DENND1A: variants seen among roughly 807,000 people sequenced by gnomAD.
The protein encoded by DENND1A is DENN domain-containing protein 1A.
In DENND1A, 51 loss-of-function variants were observed where a neutral mutation model predicts 113.7. The ratio of observed to expected loss-of-function variants is 0.45; its 90% CI spans 0.36 to 0.57. The LOEUF is 0.57. Among genes scored for constraint, DENND1A ranks in the 20% least tolerant of loss-of-function variants. The pLI is 0.00. For synonymous variants in DENND1A, 565 were observed against 570.8 expected (o/e 0.99, Z 0.14); for missense variants, 1,258 against 1,395.9 (o/e 0.90, Z 1.57).
At chr9:123,544,209 G>C (rs1296177629) in intron 13 of DENND1A, among the ~76,000 whole-genome samples, 1 of 152,180 alleles carries the variant, frequency 6.6e-6, no homozygotes, top group Non-Finnish European at 1.5e-5. Flanking sequence ...CCCAGGAAAA[G>C]AGGAGGAAGG....
At chr9:123,806,369 C>T (rs1835570304) in intron 2 of DENND1A, among the ~76,000 whole-genome samples, 2 of 152,166 alleles carry the variant, frequency 1.3e-5, no homozygotes, top group Non-Finnish European at 2.9e-5. Flanking sequence ...GATTCTCCCG[C>T]CTCAGCCTCC....
chr9:123,489,909 C>T (rs918493539), intron 13 of DENND1A, among the ~76,000 whole-genome samples: 2 of 152,114 alleles, frequency 1.3e-5, no homozygotes, highest in Admixed American at 6.5e-5. Context: ...TGATCCCAAC[C>T]GACATCATCA....
chr9:123,629,040 C>T (rs2061364504), intron 10 of DENND1A, among the ~76,000 whole-genome samples: 1 of 152,200 alleles, frequency 6.6e-6, no homozygotes, highest in South Asian at 2.1e-4. Context: ...AGAGGGTGAG[C>T]CCAGCACGTT....
intron 1 of DENND1A, among the ~76,000 whole-genome samples, chr9:123,902,258 T>C (rs985346728): frequency 2.6e-5 from 4 of 151,778 alleles, no homozygotes; most frequent in Non-Finnish European, 5.9e-5. Context: ...CAGAGCTACC[T>C]AATCTCTTGA....
intron 13 of DENND1A, among the ~76,000 whole-genome samples, chr9:123,501,988 T>C (rs1288341143): frequency 1.3e-5 from 2 of 152,132 alleles, no homozygotes; most frequent in Non-Finnish European, 2.9e-5. Context: ...CCTTTATATA[T>C]ATATATCTCT....
chr9:123,586,340 T>G (rs2059161758), intron 11 of DENND1A, among the ~76,000 whole-genome samples: 1 of 152,134 alleles, frequency 6.6e-6, no homozygotes, highest in South Asian at 2.1e-4. Context: ...CCAGCCCTTG[T>G]AGGCTCTCCA....
Position 123,422,075 on chromosome 9 carries a change from G to A in DENND1A, c.1489-10246C>T, listed in dbSNP as rs1186323701. Among the ~76,000 whole-genome samples the A allele has an allele frequency of 2.0e-5, 3 of 152,092 alleles. No homozygotes were observed. The highest frequency in any genetic ancestry group is 2.9e-5 in the Non-Finnish European group (2 of 68,010). On this transcript the variant is annotated intron_variant, in intron 19 of 23. Coordinates refer to ENST00000394215, the MANE Select transcript of DENND1A (RefSeq NM_001352964.2). The surrounding 1 kb of genome is among the most constrained non-coding windows in gnomAD (Gnocchi z 4.8). ...TCTCTATTCCTGGCCCACAAAAGTCGGGCACTCCTACCTCTGTCCTTCCCC... is the reference window on the plus strand; with the variant it reads ...TCTCTATTCCTGGCCCACAAAAGTCAGGCACTCCTACCTCTGTCCTTCCCC...
At chr9:123,732,259 T>C (rs1286213915) in intron 5 of DENND1A, among the ~76,000 whole-genome samples, 1 of 152,232 alleles carries the variant, frequency 6.6e-6, no homozygotes, top group African/African-American at 2.4e-5. Context: ...GTAACAGTTT[T>C]ATTCATAATC....
intron 8 of DENND1A, among the ~76,000 whole-genome samples, chr9:123,661,381 A>G (rs912203931): frequency 9.2e-5 from 14 of 152,206 alleles, no homozygotes; most frequent in Admixed American, 5.9e-4. Context: ...AAAGGCTTAC[A>G]CTGAAAATGA....
rs75076282 is a variant in DENND1A at position 123,883,868 on chromosome 9, CAAAAAAA to C, written c.18-4854_18-4848del. On this transcript the variant is annotated intron_variant, in intron 1 of 23. Coordinates refer to ENST00000394215, the MANE Select transcript of DENND1A (RefSeq NM_001352964.2). ...ATGGAGCCAAGGATTATGACAGTCTCAAAAAAAAAAAAAAAAAAGAGCTAAAATGCTA... is the reference window on the plus strand; with the variant it reads ...ATGGAGCCAAGGATTATGACAGTCTCAAAAAAAAAAAGAGCTAAAATGCTA... Among the ~76,000 whole-genome samples, 111 of 93,982 alleles carry C rather than the reference CAAAAAAA, an allele frequency of 1.2e-3. 2 individuals carry two copies. The highest frequency in any genetic ancestry group is 2.2e-4 in the Non-Finnish European group (9 of 40,266). 61.7% of individuals were successfully genotyped at this position (93,982 alleles called of 152,430 possible). A position where few individuals can be genotyped will look rare whatever the true frequency, so the allele number is the denominator to read the frequency against.
intron 11 of DENND1A, among the ~76,000 whole-genome samples, chr9:123,589,764 G>A (rs2137012863): frequency 6.7e-6 from 1 of 149,636 alleles, no homozygotes; most frequent in African/African-American, 2.5e-5. Context: ...TGTTAATGAA[G>A]AATGTCTTCC....
At chr9:123,450,845 C>CT (rs1386991224) in intron 17 of DENND1A, 96 bp from the exon 18 acceptor site, 2 of 974,642 alleles carry the variant, frequency 2.1e-6, no homozygotes, top group African/African-American at 1.7e-5. Context: ...TCTCTGATTA[C>CT]TAGAAAAAGG....
chr9:123,902,174 T>TACACACAC (rs9299289), intron 1 of DENND1A, among the ~76,000 whole-genome samples: 5,101 of 132,098 alleles, frequency 0.039, 112 homozygotes, highest in Non-Finnish European at 0.048. Flanking sequence ...CACACACACA[T>TACACACAC]ACACACACAC....
chr9:123,606,351 CA>C (rs2060154418), intron 11 of DENND1A, among the ~76,000 whole-genome samples: 1 of 152,042 alleles, frequency 6.6e-6, no homozygotes, highest in South Asian at 2.1e-4. Context: ...TTCAGCACAG[CA>C]AACTCCTCCC....
intron 5 of DENND1A, among the ~76,000 whole-genome samples, chr9:123,727,401 C>T (rs934148443): frequency 6.6e-6 from 1 of 152,144 alleles, no homozygotes; most frequent in African/African-American, 2.4e-5. Flanking sequence ...TCTAAAACAC[C>T]TATGACACTC....
intron 2 of DENND1A, among the ~76,000 whole-genome samples, chr9:123,856,718 C>T (rs1280489500): frequency 6.6e-6 from 1 of 151,940 alleles, no homozygotes; most frequent in African/African-American, 2.4e-5. Context: ...TGTCAAAGAC[C>T]AAGGTGGATG....
chr9:123,423,876 C>A (rs780663434), intron 19 of DENND1A, among the ~76,000 whole-genome samples: 16 of 152,172 alleles, frequency 1.1e-4, no homozygotes, highest in Non-Finnish European at 1.6e-4. Flanking sequence ...TGTTCTCCAT[C>A]CATCACAGGT....
intron 9 of DENND1A, among the ~76,000 whole-genome samples, chr9:123,640,351 T>A (rs1303188011): frequency 6.6e-6 from 1 of 152,154 alleles, no homozygotes; most frequent in African/African-American, 2.4e-5. Context: ...CTAGTCCTCC[T>A]CCCAGCTACA....
chr9:123,797,267 A>C (rs542434366), intron 2 of DENND1A, among the ~76,000 whole-genome samples: 163 of 152,258 alleles, frequency 1.1e-3, no homozygotes, highest in African/African-American at 3.8e-3. Context: ...CACAACCATA[A>C]ATGTTAATCC....
Sources: allele counts gnomAD v4.1 joint callset (sites outside exome capture counted in the v4.1 genomes callset), GRCh38; gene constraint gnomAD v4.1.1; non-coding constraint Gnocchi (gnomAD v3.1); transcripts MANE v1.5; gene names NCBI Gene and HGNC (gene_info 2026-07-23, HGNC 2026-07-21).